SLC24A3: variants seen among roughly 807,000 people sequenced by gnomAD.
The protein encoded by SLC24A3 is sodium/potassium/calcium exchanger 3.
In SLC24A3, 28 loss-of-function variants were observed where a neutral mutation model predicts 75.8. That is an observed-to-expected ratio of 0.37 (90% CI 0.27 to 0.51). The LOEUF is 0.51. Ranked by LOEUF, SLC24A3 falls within the 20% of genes least tolerant of loss-of-function variation. The pLI is 0.94. For synonymous variants in SLC24A3, 372 were observed against 334.1 expected, an observed-to-expected ratio of 1.11 and a Z score of -1.24; for missense variants, 663 against 847.8, an observed-to-expected ratio of 0.78 and a Z score of 2.71.
chr20:19,368,720 A>G (rs929775069), intron 2 of SLC24A3, among the ~76,000 whole-genome samples: 7 of 152,256 alleles, frequency 4.6e-5, no homozygotes, highest in African/African-American at 1.2e-4. Context: ...CAAATGACGC[A>G]TTATTTAGAC....
At chr20:19,529,204 T>C (rs2030250666) in intron 3 of SLC24A3, among the ~76,000 whole-genome samples, 1 of 152,182 alleles carries the variant, frequency 6.6e-6, no homozygotes, top group African/African-American at 2.4e-5. Flanking sequence ...TATATGTATA[T>C]ACACACACAT....
intron 2 of SLC24A3, among the ~76,000 whole-genome samples, chr20:19,303,994 A>G (rs1235727552): frequency 1.3e-5 from 2 of 152,148 alleles, no homozygotes; most frequent in African/African-American, 4.8e-5. Context: ...GGGTGACCTT[A>G]TCTCCTAGCT....
intron 2 of SLC24A3, among the ~76,000 whole-genome samples, chr20:19,415,518 A>T (rs1440425223): frequency 7.9e-5 from 12 of 152,196 alleles, no homozygotes; most frequent in Admixed American, 7.9e-4. Context: ...CTAAGTAAGT[A>T]TTCTAAGTTC....
At chr20:19,223,958 C>T (rs1981803429) in intron 1 of SLC24A3, among the ~76,000 whole-genome samples, 1 of 152,202 alleles carries the variant, frequency 6.6e-6, no homozygotes, top group South Asian at 2.1e-4. Context: ...GAGATTTTAT[C>T]ACATTACTCA....
At chr20:19,373,241 A>C (rs1986021924) in intron 2 of SLC24A3, among the ~76,000 whole-genome samples, 1 of 151,800 alleles carries the variant, frequency 6.6e-6, no homozygotes, top group Non-Finnish European at 1.5e-5. Context: ...CTGCAACCTA[A>C]ATTTTCCTTC....
intron 2 of SLC24A3, among the ~76,000 whole-genome samples, chr20:19,357,771 G>C (rs1370370812): frequency 6.6e-6 from 1 of 152,220 alleles, no homozygotes; most frequent in Non-Finnish European, 1.5e-5. Flanking sequence ...TTGGGTGAGA[G>C]ACCCCAGCTG....
At chr20:19,391,349 A>G (rs1436947655) in intron 2 of SLC24A3, among the ~76,000 whole-genome samples, 1 of 152,118 alleles carries the variant, frequency 6.6e-6, no homozygotes, top group Non-Finnish European at 1.5e-5. Flanking sequence ...ATAGTCCCTG[A>G]GTGTGAGTCT....
At chr20:19,456,085 CT>C (rs975051055) in intron 2 of SLC24A3, among the ~76,000 whole-genome samples, 5 of 151,450 alleles carry the variant, frequency 3.3e-5, no homozygotes, top group South Asian at 4.2e-4. Context: ...TATGTTTGCC[CT>C]TTTTTTTTCC....
intron 5 of SLC24A3, 128 bp downstream of exon 5, chr20:19,585,183 G>T (rs1167701757): frequency 1.2e-6 from 1 of 840,812 alleles, no homozygotes; most frequent in Non-Finnish European, 1.9e-6. Context: ...ACCCCAATGA[G>T]TAGAACATCA....
chr20:19,721,723 A>G lies in SLC24A3; in HGVS notation c.*583A>G, dbSNP rs1054118108. The G allele has an allele frequency of 1.3e-5, 2 of 153,008 alleles. No individual in the cohort carries two copies. The highest frequency in any genetic ancestry group is 2.4e-5 in the African/African-American group (1 of 41,448). 9.5% of individuals were successfully genotyped at this position (153,008 alleles called of 1,614,324 possible). A position where few individuals can be genotyped will look rare whatever the true frequency, so the allele number is the denominator to read the frequency against. On this transcript the variant is annotated 3_prime_UTR_variant, in exon 17 of 17. Coordinates refer to ENST00000328041, the MANE Select transcript of SLC24A3 (RefSeq NM_020689.4). ...TCTTCCACTGGGCTCTGGATTAATC[A>G]ATTACCCAAAGGCTGCACCTGCCGT...
chr20:19,278,021 T>C (rs2122219686), intron 1 of SLC24A3, among the ~76,000 whole-genome samples: 1 of 151,994 alleles, frequency 6.6e-6, no homozygotes. Flanking sequence ...GATGCCGTGG[T>C]GCTCGACCGA....
At chr20:19,650,385 G>C (rs1215080582) in intron 6 of SLC24A3, among the ~76,000 whole-genome samples, 1 of 152,138 alleles carries the variant, frequency 6.6e-6, no homozygotes, top group East Asian at 1.9e-4. Context: ...TTTTATTAAA[G>C]TTATATGGGC....
intron 2 of SLC24A3, among the ~76,000 whole-genome samples, chr20:19,494,334 C>T (rs1038650447): frequency 5.9e-5 from 9 of 152,168 alleles, no homozygotes; most frequent in African/African-American, 1.9e-4. Context: ...TTGCAGTAAA[C>T]TGGCTCCATC....
intron 1 of SLC24A3, among the ~76,000 whole-genome samples, chr20:19,227,019 C>A (rs1489110896): frequency 6.6e-6 from 1 of 152,202 alleles, no homozygotes; most frequent in Non-Finnish European, 1.5e-5. Context: ...CATCAAAAGG[C>A]ATGCCCATCG....
At chr20:19,509,459 C>T (rs778636373) in intron 2 of SLC24A3, among the ~76,000 whole-genome samples, 10 of 152,200 alleles carry the variant, frequency 6.6e-5, no homozygotes, top group Non-Finnish European at 1.3e-4. Context: ...CCAACTGAGG[C>T]CAAGAAGCAC....
chr20:19,354,187 G>C (rs6081578), intron 2 of SLC24A3, among the ~76,000 whole-genome samples: 187 of 152,290 alleles, frequency 1.2e-3, no homozygotes, highest in Middle Eastern at 0.01. Flanking sequence ...CTATTCTTGA[G>C]CTGAAGCTGC....
At chr20:19,643,053 G>T (rs551187358) in intron 6 of SLC24A3, among the ~76,000 whole-genome samples, 1 of 152,126 alleles carries the variant, frequency 6.6e-6, no homozygotes, top group Admixed American at 6.6e-5. Context: ...AAAATAGATC[G>T]TCTGAAGATC....
At chr20:19,336,994 T>G (rs574878281) in intron 2 of SLC24A3, among the ~76,000 whole-genome samples, 2 of 152,288 alleles carry the variant, frequency 1.3e-5, no homozygotes, top group South Asian at 4.1e-4. Flanking sequence ...TAAGTTGCCC[T>G]TGGGTTCATG....
intron 3 of SLC24A3, among the ~76,000 whole-genome samples, chr20:19,561,963 C>G (rs887111336): frequency 2.6e-4 from 39 of 152,266 alleles, no homozygotes; most frequent in African/African-American, 8.7e-4. Flanking sequence ...TCTTCCATTC[C>G]TGTTTTGTAA....
Sources: allele counts gnomAD v4.1 joint callset (sites outside exome capture counted in the v4.1 genomes callset), GRCh38; gene constraint gnomAD v4.1.1; transcripts MANE v1.5; gene names NCBI Gene and HGNC (gene_info 2026-07-23, HGNC 2026-07-21).